The following BRINP3 variants were observed in gnomAD, a reference collection of about 807,000 sequenced individuals.
BRINP3 encodes the protein BMP/retinoic acid inducible neural specific 3, also known as BMP/retinoic acid-inducible neural-specific protein 3.
A neutral mutation model predicts 71.0 loss-of-function variants in BRINP3; 19 were observed. The observed-to-expected ratio is 0.27, with a 90% confidence interval of 0.19 to 0.39. The LOEUF is 0.39. Ranked by LOEUF, BRINP3 falls within the 10% of genes least tolerant of loss-of-function variation. The pLI is 1.00. For synonymous variants in BRINP3, 380 were observed against 337.7 expected, an observed-to-expected ratio of 1.13 and a Z score of -1.37; for missense variants, 959 against 940.8, an observed-to-expected ratio of 1.02 and a Z score of -0.25.
In BRINP3 at chr1:190,281,524, G is replaced by A. The variant is rs748677414; in HGVS notation, c.427+36C>T. ...GCGATTTATACGGTTTTAGGCACAA[G>A]CACACACAGGCACAAATAGGTTCAA... On this transcript the variant is annotated intron_variant, in intron 3 of 7. Coordinates refer to ENST00000367462, the MANE Select transcript of BRINP3 (RefSeq NM_199051.3). 7 of 1,587,138 alleles carry A rather than the reference G, an allele frequency of 4.4e-6. No homozygotes were observed. The East Asian group carries it at 1.6e-4, about 36-fold the overall frequency.
chr1:190,307,635 T>G (rs934757217), intron 2 of BRINP3, among the ~76,000 whole-genome samples: 5 of 152,020 alleles, frequency 3.3e-5, no homozygotes, highest in African/African-American at 1.2e-4. Flanking sequence ...TCAGTCTTAC[T>G]GCTTTTTAAT....
At chr1:190,355,059 C>T (rs964925535) in intron 2 of BRINP3, among the ~76,000 whole-genome samples, 1 of 151,728 alleles carries the variant, frequency 6.6e-6, no homozygotes, top group Non-Finnish European at 1.5e-5. Flanking sequence ...CTCAGGAAAA[C>T]TCAGGAATCC....
chr1:190,328,761 C>T (rs974588530), intron 2 of BRINP3, among the ~76,000 whole-genome samples: 4 of 147,092 alleles, frequency 2.7e-5, no homozygotes, highest in African/African-American at 7.5e-5. Context: ...TCCTGATGAA[C>T]ATAGACACAA....
At chr1:190,390,286 G>C (rs1671171452) in intron 2 of BRINP3, among the ~76,000 whole-genome samples, 2 of 151,684 alleles carry the variant, frequency 1.3e-5, no homozygotes, top group South Asian at 4.1e-4. Context: ...AATCTGGAAA[G>C]ATTAAATTTC....
chr1:190,137,486 G>A, intron 7 of BRINP3, among the ~76,000 whole-genome samples: 1 of 151,372 alleles, frequency 6.6e-6, no homozygotes, highest in East Asian at 1.9e-4. Context: ...ATAGACAAGA[G>A]GTGGAGGGGA....
At chr1:190,244,561 G>C (rs1345015955) in intron 4 of BRINP3, among the ~76,000 whole-genome samples, 1 of 152,026 alleles carries the variant, frequency 6.6e-6, no homozygotes, top group East Asian at 1.9e-4. Context: ...CACCATCCTG[G>C]AAGACGATGG....
At chr1:190,153,669 G>A (rs1656613171) in intron 7 of BRINP3, among the ~76,000 whole-genome samples, 1 of 152,074 alleles carries the variant, frequency 6.6e-6, no homozygotes, top group Non-Finnish European at 1.5e-5. Flanking sequence ...ATATATAAAT[G>A]CAATTTTTAA....
intron 2 of BRINP3, among the ~76,000 whole-genome samples, chr1:190,417,537 T>C (rs1329412923): frequency 1.3e-5 from 2 of 152,122 alleles, no homozygotes; most frequent in Non-Finnish European, 2.9e-5. Context: ...AGGAAGTTAT[T>C]TGTCAAAAAA....
intron 2 of BRINP3, among the ~76,000 whole-genome samples, chr1:190,384,616 T>A (rs1000852160): frequency 1.3e-5 from 2 of 151,958 alleles, no homozygotes; most frequent in Admixed American, 6.6e-5. Flanking sequence ...CTACTCCAAG[T>A]CTTTTTCTGA....
intron 2 of BRINP3, among the ~76,000 whole-genome samples, chr1:190,417,491 TG>T (rs1258824882): frequency 6.6e-6 from 1 of 152,136 alleles, no homozygotes; most frequent in African/African-American, 2.4e-5. Flanking sequence ...TATGCATTAC[TG>T]ATACAATATT....
At chr1:190,465,496 C>T (rs537041226) in intron 1 of BRINP3, among the ~76,000 whole-genome samples, 11 of 151,880 alleles carry the variant, frequency 7.2e-5, no homozygotes, top group South Asian at 2.1e-4. Context: ...ATATATGATC[C>T]GCCTAGATAT....
chr1:190,377,035 A>G (rs115632897), intron 2 of BRINP3, among the ~76,000 whole-genome samples: 1,983 of 152,184 alleles, frequency 0.013, 38 homozygotes, highest in African/African-American at 0.043. Context: ...TGACTAGAAC[A>G]AATAAGAAAA....
intron 2 of BRINP3, among the ~76,000 whole-genome samples, chr1:190,296,434 A>G (rs1043817958): frequency 6.6e-6 from 1 of 152,064 alleles, no homozygotes; most frequent in Admixed American, 6.5e-5. Context: ...GATAATAAGG[A>G]TTATATATGA....
chr1:190,412,821 A>C (rs960664266), intron 2 of BRINP3, among the ~76,000 whole-genome samples: 23 of 152,230 alleles, frequency 1.5e-4, no homozygotes, highest in African/African-American at 5.5e-4. Flanking sequence ...ATGTTAAAAA[A>C]ATTTTGGTAA....
chr1:190,165,349 TA>T (rs201204972), intron 6 of BRINP3, among the ~76,000 whole-genome samples: 18,690 of 138,508 alleles, frequency 0.13, 1,697 homozygotes, highest in South Asian at 0.27. Context: ...AGCAATAAAC[TA>T]AAAAAAAAAA....
At chr1:190,239,024 G>T (rs1392467142) in intron 4 of BRINP3, among the ~76,000 whole-genome samples, 1 of 152,136 alleles carries the variant, frequency 6.6e-6, no homozygotes, top group Non-Finnish European at 1.5e-5. Flanking sequence ...AGGGAAGCAA[G>T]ACATGTCTTA....
intron 2 of BRINP3, among the ~76,000 whole-genome samples, chr1:190,317,866 C>G (rs747673440): frequency 6.6e-6 from 1 of 152,032 alleles, no homozygotes; most frequent in Admixed American, 6.6e-5. Flanking sequence ...ACTCTAGCTG[C>G]AATTGATTGA....
At chr1:190,258,124 C>T (rs1018346992) in intron 4 of BRINP3, among the ~76,000 whole-genome samples, 2 of 152,352 alleles carry the variant, frequency 1.3e-5, no homozygotes, top group Non-Finnish European at 1.5e-5. Flanking sequence ...CCATGCTGAA[C>T]TGTGGGGGGC....
chr1:190,450,861 G>A (rs1675559129), intron 2 of BRINP3, among the ~76,000 whole-genome samples: 1 of 152,046 alleles, frequency 6.6e-6, no homozygotes, highest in Non-Finnish European at 1.5e-5. Context: ...TCCCACACAT[G>A]ATTTCATTAT....
Sources: gnomAD v4.1 joint callset for allele counts (sites outside exome capture counted in the v4.1 genomes callset) on GRCh38, gnomAD v4.1.1 for gene constraint, MANE v1.5 for transcripts, NCBI Gene and HGNC (gene_info 2026-07-23, HGNC 2026-07-21) for gene names.